Variants in MYO5C observed in about 807,000 individuals in gnomAD.
MYO5C encodes the protein unconventional myosin-Vc.
A neutral mutation model predicts 235.7 loss-of-function variants in MYO5C; 194 were observed. The ratio of observed to expected loss-of-function variants is 0.82; its 90% CI spans 0.73 to 0.93. MYO5C has a LOEUF of 0.93. Ranked by LOEUF, MYO5C falls within the 40% of genes least tolerant of loss-of-function variation. The pLI, the probability that MYO5C is intolerant of heterozygous loss-of-function variation, is 0.00. For synonymous variants in MYO5C, 707 were observed against 754.8 expected, an observed-to-expected ratio of 0.94 and a Z score of 1.04; for missense variants, 2,038 against 2,127.2, an observed-to-expected ratio of 0.96 and a Z score of 0.82.
intron 11 of MYO5C, among the ~76,000 whole-genome samples, chr15:52,254,088 C>T (rs985282637): frequency 6.6e-6 from 1 of 152,164 alleles, no homozygotes; most frequent in Admixed American, 6.5e-5. Flanking sequence ...GAGAAACGCA[C>T]CTCAAGCAGG....
chr15:52,230,720 C>T (rs1169597258), intron 24 of MYO5C, among the ~76,000 whole-genome samples: 3 of 148,940 alleles, frequency 2.0e-5, no homozygotes, highest in African/African-American at 7.5e-5. Flanking sequence ...CTTTTTTCTA[C>T]AGATATTAAC....
At position 52,204,779 on chromosome 15, in the gene MYO5C, G is replaced by A. The variant is rs564003650; in HGVS notation, c.4820+86C>T. 193 of 1,476,698 alleles carry A rather than the reference G, an allele frequency of 1.3e-4. No individual in the cohort carries two copies. The East Asian group carries it at 4.4e-3, about 33-fold the overall frequency. The allele number at this position is 1,476,698 out of a possible 1,614,324, so 91.5% of individuals were successfully genotyped here. ...TAAACAGGGGTTTGACGCCACAGCAGGGAGGGTCAGGCGCGTGGGGCCTCG... is the reference window on the plus strand; with the variant it reads ...TAAACAGGGGTTTGACGCCACAGCAAGGAGGGTCAGGCGCGTGGGGCCTCG... On this transcript the variant is annotated intron_variant, in intron 38 of 40. Transcript: ENST00000261839.
intron 14 of MYO5C, among the ~76,000 whole-genome samples, 176 bp from the exon 15 acceptor site, chr15:52,247,768 C>T (rs988610659): frequency 3.3e-5 from 5 of 152,172 alleles, no homozygotes; most frequent in Non-Finnish European, 7.3e-5. Flanking sequence ...TAGGGATGGC[C>T]CGTGACTTCT....
At chr15:52,269,011 T>C (rs1310498786) in intron 8 of MYO5C, among the ~76,000 whole-genome samples, 1 of 152,242 alleles carries the variant, frequency 6.6e-6, no homozygotes, top group African/African-American at 2.4e-5. Context: ...CACAGAGTTA[T>C]AAAGTGCTTA....
intron 2 of MYO5C, among the ~76,000 whole-genome samples, chr15:52,280,342 A>G (rs2037139628): frequency 6.6e-6 from 1 of 152,200 alleles, no homozygotes; most frequent in Non-Finnish European, 1.5e-5. Flanking sequence ...TGGGCCAAGG[A>G]ATTTTCCCAG....
intron 2 of MYO5C, among the ~76,000 whole-genome samples, chr15:52,280,733 C>T (rs1353538739): frequency 6.6e-6 from 1 of 152,178 alleles, no homozygotes; most frequent in Non-Finnish European, 1.5e-5. Context: ...TCATTTAATC[C>T]TCAAAACTGC....
Position 52,232,515 on chromosome 15 carries a change from C to T in MYO5C, c.3026+107G>A, listed in dbSNP as rs1031307297. ...ATCTCACTTCCTAAAAACAGTCACA[C>T]CCCACTTTCTTGTATCTGTGTCTGC... On this transcript the variant is annotated intron_variant, in intron 24 of 40. Coordinates refer to ENST00000261839, the MANE Select transcript of MYO5C (RefSeq NM_018728.4). The T allele has an allele frequency of 1.3e-5, 13 of 1,030,374 alleles. No homozygotes were observed. In the African/African-American group the frequency reaches 1.9e-4, roughly 15 times the overall value. 63.8% of individuals were successfully genotyped at this position (1,030,374 alleles called of 1,614,324 possible).
rs117099735 is a variant in MYO5C at position 52,247,354 on chromosome 15, G to A, written c.1881+104C>T. 2.0e-5 allele frequency: 26 copies of A among 1,292,464 alleles called. No homozygotes were observed. In the East Asian group the frequency reaches 2.6e-4, roughly 13 times the overall value. The allele number at this position is 1,292,464 out of a possible 1,614,324, so 80.1% of individuals were successfully genotyped here. ...CATGTTAGATTGGAAGAGCCCCAGC[G>A]TCTGTCCATGTCCAGGCCTGGAATG... On this transcript the variant is annotated intron_variant, in intron 15 of 40. Coordinates refer to ENST00000261839, the MANE Select transcript of MYO5C (RefSeq NM_018728.4).
intron 1 of MYO5C, among the ~76,000 whole-genome samples, chr15:52,288,869 C>T (rs1018523108): frequency 2.0e-5 from 3 of 152,126 alleles, no homozygotes; most frequent in Non-Finnish European, 2.9e-5. Flanking sequence ...GGCAGAGGCT[C>T]GGGACCACTG....
At chr15:52,212,656 G>A (rs535199115) in intron 34 of MYO5C, among the ~76,000 whole-genome samples, 1 of 152,198 alleles carries the variant, frequency 6.6e-6, no homozygotes, top group Non-Finnish European at 1.5e-5. Context: ...CAGTAAGATT[G>A]GTTCTATGAC....
chr15:52,270,320 A>G (rs1178787921), intron 7 of MYO5C, among the ~76,000 whole-genome samples: 2 of 152,178 alleles, frequency 1.3e-5, no homozygotes, highest in Non-Finnish European at 2.9e-5. Context: ...CATAACAGAC[A>G]CAGAAGCTGA....
intron 15 of MYO5C, 144 bp from the exon 16 acceptor site, chr15:52,247,158 G>T: frequency 1.4e-6 from 1 of 699,888 alleles, no homozygotes; most frequent in Non-Finnish European, 2.4e-6. Context: ...AAAGGTTTCA[G>T]TCCGTGACTG....
chr15:52,230,416 T>C (rs957534667), intron 24 of MYO5C, among the ~76,000 whole-genome samples: 94 of 152,238 alleles, frequency 6.2e-4, no homozygotes, highest in African/African-American at 2.2e-3. Context: ...AGATTTTTTT[T>C]TTTTTGAGAT....
chr15:52,224,025 G>A (rs2035761263), intron 28 of MYO5C, among the ~76,000 whole-genome samples: 1 of 152,200 alleles, frequency 6.6e-6, no homozygotes, highest in African/African-American at 2.4e-5. Context: ...GCTCACACCT[G>A]TAATCCCAGG....
rs535892686 is a variant in MYO5C, at chr15:52,212,726, C to A, written c.4141+462G>T. Among the ~76,000 whole-genome samples, 24 of 152,300 alleles carry A rather than the reference C, an allele frequency of 1.6e-4. No individual in the cohort carries two copies. In the South Asian group the frequency reaches 4.4e-3, roughly 28 times the overall value. On this transcript the variant is annotated intron_variant, in intron 34 of 40. Transcript: ENST00000261839. ...GTAACTGAGGCATGGCTGGGAAGCC[C>A]CATCACATTGCCCGCAGAGAAATTT...
chr15:52,271,903 G>C (rs1295939019), intron 6 of MYO5C, 59 bp from the exon 7 acceptor site: 14 of 1,100,038 alleles, frequency 1.3e-5, no homozygotes, highest in Non-Finnish European at 1.6e-5. Context: ...AAAAATGCCA[G>C]GTTTTTAACT....
chr15:52,229,640 A>G (rs1170641759), intron 24 of MYO5C, among the ~76,000 whole-genome samples: 1 of 152,192 alleles, frequency 6.6e-6, no homozygotes, highest in Admixed American at 6.5e-5. Context: ...CCCCTAAAAA[A>G]GAAGAAAATA....
At position 52,228,781 on chromosome 15, in the gene MYO5C, GTAACT is replaced by G. The variant is rs144499104; in HGVS notation, c.3207+347_3207+351del. Among the ~76,000 whole-genome samples, 493 of 152,266 alleles carry G rather than the reference GTAACT, an allele frequency of 3.2e-3. 2 individuals are homozygous for G. The highest frequency in any genetic ancestry group is 0.011 in the African/African-American group (469 of 41,526). The stretch of plus-strand genomic sequence containing the variant: ...TTAAATGAAAGATTTTGATAATAAG[GTAACT>G]TAACTTTAATGCAGGTGTTTATAGA... On this transcript the variant is annotated intron_variant, in intron 25 of 40. Coordinates refer to ENST00000261839, the MANE Select transcript of MYO5C (RefSeq NM_018728.4).
intron 13 of MYO5C, 125 bp downstream of exon 13, chr15:52,251,265 C>T: frequency 1.1e-6 from 1 of 873,880 alleles, no homozygotes; most frequent in South Asian, 3.4e-5. Flanking sequence ...GTTAAACACA[C>T]ACTCATCAAA....
Sources: gnomAD v4.1 joint callset for allele counts (sites outside exome capture counted in the v4.1 genomes callset) on GRCh38, gnomAD v4.1.1 for gene constraint, MANE v1.5 for transcripts, NCBI Gene and HGNC (gene_info 2026-07-23, HGNC 2026-07-21) for gene names.